The following DPYD variants were observed in gnomAD, a reference collection of about 807,000 sequenced individuals.
DPYD encodes dihydropyrimidine dehydrogenase [NADP(+)].
Under a neutral mutation model 116.2 loss-of-function variants are expected in DPYD, and 109 were observed. The observed-to-expected ratio is 0.94, with a 90% CI of 0.80 to 1.10. The LOEUF (loss-of-function observed/expected upper bound fraction) is 1.10, where lower values mean the gene tolerates loss of function less well. Ranked by LOEUF, DPYD falls within the 50% of genes least tolerant of loss-of-function variation. DPYD has a pLI of 0.00. For synonymous variants in DPYD, 440 were observed against 432.0 expected (o/e 1.02, Z -0.23); for missense variants, 1,302 against 1,254.5 (o/e 1.04, Z -0.57).
chr1:97,527,138 G>A (rs1649194147), intron 12 of DPYD, among the ~76,000 whole-genome samples: 1 of 151,552 alleles, frequency 6.6e-6, no homozygotes, highest in South Asian at 2.1e-4. Flanking sequence ...GAGTGCAGTG[G>A]CGTGATCTCG....
intron 20 of DPYD, among the ~76,000 whole-genome samples, chr1:97,107,030 A>G (rs144254307): frequency 1.5e-3 from 222 of 152,228 alleles, no homozygotes; most frequent in Non-Finnish European, 2.8e-3. Flanking sequence ...TTCGGGAAAC[A>G]GAGAACCAAC....
At chr1:97,765,390 T>A (rs916458842) in intron 3 of DPYD, among the ~76,000 whole-genome samples, 1 of 152,188 alleles carries the variant, frequency 6.6e-6, no homozygotes, top group Non-Finnish European at 1.5e-5. Flanking sequence ...CATCAGCCAT[T>A]ACTCTGAGGC....
chr1:97,113,511 T>A (rs1352799843), intron 20 of DPYD, among the ~76,000 whole-genome samples: 1 of 152,100 alleles, frequency 6.6e-6, no homozygotes, highest in Non-Finnish European at 1.5e-5. Flanking sequence ...CAATACCCCA[T>A]TAGTTAGATT....
At position 97,740,432 on chromosome 1, in the gene DPYD, T is replaced by A. The variant is rs1228947466; in HGVS notation, c.281A>T (p.Asn94Ile). ...DAPCQKSCPTNLDIKSFITSI... is the reference protein window; with the variant it reads ...DAPCQKSCPTILDIKSFITSI... ...TGTGATGAATGATTTAATATCAAGA[T>A]TAGTTGGACAGCTCTTCTGACACGG... Residue 94 changes from asparagine (N) to isoleucine (I), a missense_variant, in exon 4 of 23, where the codon AAT (asparagine) becomes ATT (isoleucine). Asn to Ile is a moderately radical substitution (Grantham distance 149, BLOSUM62 -3). Transcript: ENST00000370192. 6.2e-7 allele frequency: 1 copy of A among 1,613,242 alleles called. No homozygotes were observed. Among genetic ancestry groups the A allele is most frequent in the South Asian group, 1.1e-5 (1 of 91,078 alleles).
intron 2 of DPYD, among the ~76,000 whole-genome samples, chr1:97,835,532 A>G (rs1669729288): frequency 6.6e-6 from 1 of 152,128 alleles, no homozygotes; most frequent in African/African-American, 2.4e-5. Flanking sequence ...GAGATAAATT[A>G]AAAGTTTAGC....
intron 16 of DPYD, among the ~76,000 whole-genome samples, chr1:97,346,674 G>A (rs1017839582): frequency 3.3e-5 from 5 of 151,734 alleles, no homozygotes; most frequent in Non-Finnish European, 7.4e-5. Context: ...GATAATGATT[G>A]TCTTACTAGT....
intron 21 of DPYD, among the ~76,000 whole-genome samples, chr1:97,090,382 A>T (rs1649819512): frequency 6.6e-6 from 1 of 152,040 alleles, no homozygotes; most frequent in East Asian, 1.9e-4. Flanking sequence ...AAGTTATTTA[A>T]CCTTTCTGTT....
intron 10 of DPYD, among the ~76,000 whole-genome samples, chr1:97,592,296 T>C (rs1654577085): frequency 6.6e-6 from 1 of 152,200 alleles, no homozygotes; most frequent in Non-Finnish European, 1.5e-5. Flanking sequence ...GTGTAGTACA[T>C]GTAAATAGCC....
At chr1:97,742,963 A>G (rs1279748821) in intron 3 of DPYD, among the ~76,000 whole-genome samples, 1 of 152,054 alleles carries the variant, frequency 6.6e-6, no homozygotes, top group Non-Finnish European at 1.5e-5. Context: ...TTTTTCTAAC[A>G]CCCAACTTGA....
intron 4 of DPYD, among the ~76,000 whole-genome samples, chr1:97,724,307 GGTGTGTGTGTGTGT>G: frequency 2.1e-3 from 1 of 478 alleles, no homozygotes; most frequent in African/African-American, 2.7e-3. Flanking sequence ...GGGGGGGGGG[GGTGTGTGTGTGTGT>G]GTGTGTGTGT....
chr1:97,561,770 C>T (rs1292072498), intron 11 of DPYD, among the ~76,000 whole-genome samples: 1 of 152,136 alleles, frequency 6.6e-6, no homozygotes, highest in African/African-American at 2.4e-5. Context: ...GAAGAAACTC[C>T]CCCATGTATT....
intron 2 of DPYD, among the ~76,000 whole-genome samples, chr1:97,860,302 A>G (rs1228165542): frequency 1.3e-5 from 2 of 152,180 alleles, no homozygotes; most frequent in African/African-American, 2.4e-5. Context: ...AGATAAATAA[A>G]ATTCTAAACA....
intron 3 of DPYD, among the ~76,000 whole-genome samples, chr1:97,800,756 C>T (rs1667806767): frequency 1.3e-5 from 2 of 151,996 alleles, no homozygotes; most frequent in African/African-American, 4.8e-5. Flanking sequence ...ACCCTCCTCC[C>T]AGTAAACAGG....
At chr1:97,459,180 T>TATGGAAA (rs1360759428) in intron 13 of DPYD, among the ~76,000 whole-genome samples, 1 of 151,976 alleles carries the variant, frequency 6.6e-6, no homozygotes, top group Admixed American at 6.6e-5. Context: ...AAAAAAATAA[T>TATGGAAA]ATGGAAAATT....
At chr1:97,752,207 C>T (rs531910085) in intron 3 of DPYD, among the ~76,000 whole-genome samples, 34 of 151,992 alleles carry the variant, frequency 2.2e-4, no homozygotes, top group African/African-American at 8.0e-4. Context: ...TCATGTGTGA[C>T]ATCCATACAA....
rs541377221 is a variant in DPYD, at chr1:97,443,345, T to C, written c.1905+6714A>G. On this transcript the variant is annotated intron_variant, in intron 14 of 22. Transcript: ENST00000370192. The stretch of plus-strand genomic sequence containing the variant: ...TTTTGGCAAAGAAAGGAGGATGGGA[T>C]GTAAGTATATATTGACTCTAGAATT... 2.0e-5 allele frequency among the ~76,000 whole-genome samples: 3 copies of C among 152,312 alleles called. No homozygotes were observed. In the East Asian group the frequency reaches 5.8e-4, roughly 29 times the overall value.
intron 4 of DPYD, among the ~76,000 whole-genome samples, chr1:97,728,430 T>C (rs17117092): frequency 0.026 from 3,937 of 152,210 alleles, 165 homozygotes; most frequent in African/African-American, 0.089. Context: ...CACAATTTAA[T>C]GATTTCCAAA....
At chr1:97,186,913 G>C (rs1428079081) in intron 20 of DPYD, among the ~76,000 whole-genome samples, 1 of 152,032 alleles carries the variant, frequency 6.6e-6, no homozygotes, top group Non-Finnish European at 1.5e-5. Context: ...CATCGATGTT[G>C]CTATAAAATA....
chr1:97,823,450 A>G (rs181865105), intron 3 of DPYD, among the ~76,000 whole-genome samples: 10 of 152,118 alleles, frequency 6.6e-5, no homozygotes, highest in Non-Finnish European at 1.2e-4. Context: ...GACTATAGTC[A>G]CCTTACTGTG....
Sources: allele counts gnomAD v4.1 joint callset (sites outside exome capture counted in the v4.1 genomes callset), GRCh38; gene constraint gnomAD v4.1.1; transcripts MANE v1.5; gene names NCBI Gene and HGNC (gene_info 2026-07-23, HGNC 2026-07-21).